Variants in PRR27 observed in about 807,000 individuals in gnomAD.
The protein encoded by PRR27 is proline-rich protein 27.
PRR27 carries 12 observed loss-of-function variants against 16.8 expected under a neutral mutation model. The ratio of observed to expected loss-of-function variants is 0.71; its 90% confidence interval spans 0.46 to 1.16. PRR27 has a LOEUF of 1.16. PRR27 is among the 50% of genes most tolerant of loss of function. The pLI is 0.00. For missense variants in PRR27, 277 were observed against 273.3 expected, an observed-to-expected ratio of 1.01 and a Z score of -0.10; for synonymous variants, 100 against 98.4, an observed-to-expected ratio of 1.02 and a Z score of -0.10.
Position 70,154,828 on chromosome 4 carries a change from T to C in PRR27, c.51+402T>C, listed in dbSNP as rs1469391783. ...CAGACATTAGGGATACTTGATGGAA[T>C]AGAAGTAAATGCACATCATACCTTT... On this transcript the variant is annotated intron_variant, in intron 1 of 4. Coordinates refer to ENST00000344526, the MANE Select transcript of PRR27 (RefSeq NM_214711.4). The C allele has an allele frequency of 7.7e-6, 9 of 1,174,808 alleles. No individual in the cohort carries two copies. The East Asian group carries it at 3.4e-4, about 44-fold the overall frequency. 72.8% of individuals were successfully genotyped at this position (1,174,808 alleles called of 1,614,324 possible).
intron 2 of PRR27, 56 bp downstream of exon 2, chr4:70,156,133 T>C (rs997555685): frequency 1.0e-6 from 1 of 955,340 alleles, no homozygotes; most frequent in African/African-American, 1.8e-5. Flanking sequence ...TAAAATATAT[T>C]TTACATTTTA....
Position 70,163,240 on chromosome 4 carries a change from A to G in PRR27, c.*579A>G, listed in dbSNP as rs890272043. 2.0e-5 allele frequency: 3 copies of G among 151,658 alleles called. No homozygotes were observed. The highest frequency in any genetic ancestry group is 4.4e-5 in the Non-Finnish European group (3 of 67,974). The allele number at this position is 151,658 out of a possible 1,614,324, so 9.4% of individuals were successfully genotyped here. A position where few individuals can be genotyped will look rare whatever the true frequency, so the allele number is the denominator to read the frequency against. On this transcript the variant is annotated 3_prime_UTR_variant, in exon 5 of 5. Transcript: ENST00000344526. ...AAAAAATATACCCCCAAATCCTAATACTTCTAACCTTCTCCACTGCATCTA... is the reference window on the plus strand; with the variant it reads ...AAAAAATATACCCCCAAATCCTAATGCTTCTAACCTTCTCCACTGCATCTA...
chr4:70,157,191 GA>G (rs944345235), intron 2 of PRR27, among the ~76,000 whole-genome samples: 100 of 152,008 alleles, frequency 6.6e-4, no homozygotes, highest in African/African-American at 2.4e-3. Context: ...CCTAAAATTG[GA>G]AAAAAATTAA....
At chr4:70,162,670 A>G (rs1728675562) in intron 4 of PRR27, 25 bp from the exon 5 acceptor site, 1 of 152,174 alleles carries the variant, frequency 6.6e-6, no homozygotes, top group Admixed American at 6.5e-5. Context: ...TATTATACTG[A>G]ACCAATGTTA....
At chr4:70,161,797 C>G (rs550934888) in intron 4 of PRR27, among the ~76,000 whole-genome samples, 167 bp downstream of exon 4, 2 of 152,140 alleles carry the variant, frequency 1.3e-5, no homozygotes, top group Non-Finnish European at 2.9e-5. Flanking sequence ...AAACTATTAA[C>G]TCATGTCTTG....
chr4:70,165,704 C>G lies in PRR27; in HGVS notation c.*3043C>G, dbSNP rs1184542668. 1 of 152,078 alleles carries G rather than the reference C, an allele frequency of 6.6e-6. No individual in the cohort carries two copies. Among genetic ancestry groups the G allele is most frequent in the Non-Finnish European group, 1.5e-5 (1 of 67,952 alleles). The allele number at this position is 152,078 out of a possible 1,614,324, so 9.4% of individuals were successfully genotyped here. A position where few individuals can be genotyped will look rare whatever the true frequency, so the allele number is the denominator to read the frequency against. On this transcript the variant is annotated 3_prime_UTR_variant, in exon 5 of 5. Coordinates refer to ENST00000344526, the MANE Select transcript of PRR27 (RefSeq NM_214711.4). ...TATATCCATCTTACATAATTCTTTA[C>G]TGTATAGCGTTCCCTTTAGCCACTG... is the stretch of plus-strand genomic sequence containing the variant.
intron 1 of PRR27, among the ~76,000 whole-genome samples, chr4:70,155,136 T>A (rs924745808): frequency 2.6e-5 from 4 of 152,224 alleles, no homozygotes; most frequent in Admixed American, 2.6e-4. Context: ...ATTATCATCC[T>A]GTCCAAACTT....
At chr4:70,155,899 C>T (rs1186448434) in intron 1 of PRR27, among the ~76,000 whole-genome samples, 155 bp from the exon 2 acceptor site, 2 of 151,356 alleles carry the variant, frequency 1.3e-5, no homozygotes, top group African/African-American at 2.4e-5. Context: ...ATAATGATGA[C>T]GATGATAAAA....
At chr4:70,162,192 T>C (rs1158633727) in intron 4 of PRR27, among the ~76,000 whole-genome samples, 2 of 152,186 alleles carry the variant, frequency 1.3e-5, no homozygotes, top group Non-Finnish European at 2.9e-5. Flanking sequence ...CAGGTTCTTC[T>C]CCTTCATCCC....
intron 2 of PRR27, among the ~76,000 whole-genome samples, chr4:70,156,379 T>C (rs530441842): frequency 3.9e-5 from 6 of 152,314 alleles, no homozygotes; most frequent in Non-Finnish European, 8.8e-5. Context: ...TATTATACAT[T>C]GTCAGTATGT....
intron 3 of PRR27, among the ~76,000 whole-genome samples, chr4:70,161,156 G>GTGTATATA (rs1553902896): frequency 3.2e-5 from 3 of 93,922 alleles, no homozygotes; most frequent in Non-Finnish European, 5.8e-5. Flanking sequence ...TATGAACACT[G>GTGTATATA]TATATATATA....
chr4:70,157,447 T>TATA (rs974374926), intron 2 of PRR27, among the ~76,000 whole-genome samples: 18 of 150,000 alleles, frequency 1.2e-4, no homozygotes, highest in African/African-American at 3.4e-4. Context: ...TATTATTATA[T>TATA]ATAATAATAA....
At chr4:70,158,299 C>G in intron 2 of PRR27, 29 bp from the exon 3 acceptor site, 1 of 1,483,560 alleles carries the variant, frequency 6.7e-7, no homozygotes, top group Non-Finnish European at 9.3e-7. Flanking sequence ...CAAATACAAT[C>G]AACTTCGACT....
At chr4:70,161,683 C>A in intron 4 of PRR27, 53 bp downstream of exon 4, 2 of 816,360 alleles carry the variant, frequency 2.4e-6, no homozygotes, top group Non-Finnish European at 1.9e-6. Flanking sequence ...GAGGTTAAAT[C>A]TCATAATCTG....
intron 1 of PRR27, among the ~76,000 whole-genome samples, chr4:70,155,746 T>C (rs1470597530): frequency 1.3e-5 from 2 of 151,886 alleles, no homozygotes; most frequent in Admixed American, 6.6e-5. Context: ...AAAAAGTGAA[T>C]AGCAAAATCA....
chr4:70,158,980 G>A, intron 3 of PRR27, 80 bp downstream of exon 3: 1 of 1,270,494 alleles, frequency 7.9e-7, no homozygotes, highest in Non-Finnish European at 1.1e-6. Flanking sequence ...CACTCCCCAA[G>A]CAAATCTATA....
At chr4:70,161,458 G>T in intron 3 of PRR27, 128 bp from the exon 4 acceptor site, 1 of 546,314 alleles carries the variant, frequency 1.8e-6, no homozygotes. Context: ...TTTTAAACAT[G>T]TTAAGAAGAG....
In PRR27 at chr4:70,165,236, A is replaced by G. The variant is rs1287745802; in HGVS notation, c.*2575A>G. The G allele has an allele frequency of 6.6e-6, 1 of 152,096 alleles. No homozygotes were observed. The highest frequency in any genetic ancestry group is 2.4e-5 in the African/African-American group (1 of 41,448). The allele number at this position is 152,096 out of a possible 1,614,324, so 9.4% of individuals were successfully genotyped here. A position where few individuals can be genotyped will look rare whatever the true frequency, so the allele number is the denominator to read the frequency against. On this transcript the variant is annotated 3_prime_UTR_variant, in exon 5 of 5. Coordinates refer to ENST00000344526, the MANE Select transcript of PRR27 (RefSeq NM_214711.4). ...AACTTCCTCAATTACTTTGTCTTCC[A>G]TTTATTGCATTCAATTAGTCAAAAA...
chr4:70,161,156 G>GTATATATATATA (rs371303125), intron 3 of PRR27, among the ~76,000 whole-genome samples: 13,362 of 93,258 alleles, frequency 0.14, 1,271 homozygotes, highest in Non-Finnish European at 0.18. Flanking sequence ...TATGAACACT[G>GTATATATATATA]TATATATATA....
Sources: allele counts gnomAD v4.1 joint callset (sites outside exome capture counted in the v4.1 genomes callset), GRCh38; gene constraint gnomAD v4.1.1; transcripts MANE v1.5; gene names NCBI Gene and HGNC (gene_info 2026-07-23, HGNC 2026-07-21).